EVC2: variants seen among roughly 807,000 people sequenced by gnomAD.
EVC2 encodes the protein limbin.
A neutral mutation model predicts 149.3 loss-of-function variants in EVC2; 148 were observed. The observed-to-expected ratio is 0.99, with a 90% CI of 0.87 to 1.14. The LOEUF (loss-of-function observed/expected upper bound fraction) is 1.14, where lower values mean the gene tolerates loss of function less well. Ranked by LOEUF, EVC2 falls within the 50% of genes most tolerant of loss-of-function variation. The pLI is 0.00. For synonymous variants in EVC2, 776 were observed against 649.9 expected (o/e 1.19, Z -2.95); for missense variants, 1,854 against 1,627.3 (o/e 1.14, Z -2.40).
At chr4:5,603,345 G>A (rs1268075692) in intron 16 of EVC2, among the ~76,000 whole-genome samples, 1 of 152,196 alleles carries the variant, frequency 6.6e-6, no homozygotes, top group Non-Finnish European at 1.5e-5. Flanking sequence ...GGGGAGATGT[G>A]AGGATAACTG....
chr4:5,649,246 G>A (rs1474501743), intron 9 of EVC2, among the ~76,000 whole-genome samples: 1 of 152,092 alleles, frequency 6.6e-6, no homozygotes, highest in African/African-American at 2.4e-5. Context: ...TTGTCACTGT[G>A]CTTCAAAGAT....
chr4:5,634,595 T>G (rs1165300984), intron 10 of EVC2, among the ~76,000 whole-genome samples: 1 of 152,224 alleles, frequency 6.6e-6, no homozygotes, highest in Non-Finnish European at 1.5e-5. Context: ...GAATAAAGTA[T>G]GAGGCAATGA....
At chr4:5,695,984 G>T (rs1191557833) in intron 2 of EVC2, among the ~76,000 whole-genome samples, 1 of 152,166 alleles carries the variant, frequency 6.6e-6, no homozygotes, top group African/African-American at 2.4e-5. Flanking sequence ...CTCAGGTTGG[G>T]ATGGGATAAG....
chr4:5,621,231 G>A (rs1343890654), intron 14 of EVC2, among the ~76,000 whole-genome samples: 1 of 152,180 alleles, frequency 6.6e-6, no homozygotes, highest in Admixed American at 6.5e-5. Context: ...GATTCTAGGA[G>A]ATAACTTCTA....
chr4:5,556,030 T>G (rs1328919748), intron 21 of EVC2, among the ~76,000 whole-genome samples: 2 of 151,678 alleles, frequency 1.3e-5, no homozygotes, highest in African/African-American at 2.4e-5. Flanking sequence ...ATACAAAAAA[T>G]TAGCCGGGCA....
rs761358674 is a variant in EVC2 at position 5,640,953 on chromosome 4, C to G, written c.1146-115G>C. On this transcript the variant is annotated intron_variant, in intron 9 of 21. Coordinates refer to ENST00000344408, the MANE Select transcript of EVC2 (RefSeq NM_147127.5). This position sits in a 1 kb window ranked among gnomAD's most constrained non-coding sequence, Gnocchi z 4.6. ...TGTAGGCAAGGGCTTTCTTCGTCTT[C>G]CTTTTCTTCCTTTCCCCGCTCACTT... 6.0e-6 allele frequency: 7 copies of G among 1,173,348 alleles called. No individual in the cohort carries two copies. The highest frequency in any genetic ancestry group is 2.5e-5 in the South Asian group (2 of 78,504). The allele number at this position is 1,173,348 out of a possible 1,614,324, so 72.7% of individuals were successfully genotyped here.
At chr4:5,570,182 C>T (rs972864452) in intron 19 of EVC2, among the ~76,000 whole-genome samples, 1 of 152,232 alleles carries the variant, frequency 6.6e-6, no homozygotes, top group African/African-American at 2.4e-5. Context: ...ACACACGCTT[C>T]TCTGTCCCCA....
rs752898085 is a variant in EVC2, at chr4:5,584,765, A to T, written c.2915T>A (p.Phe972Tyr). The T allele has an allele frequency of 6.2e-7, 1 of 1,614,132 alleles. No homozygotes were observed. Among genetic ancestry groups the T allele is most frequent in the Non-Finnish European group, 8.5e-7 (1 of 1,180,026 alleles). ...CTCGGTCACCCGGGACGCCTTCTGG[A>T]ACTGCAGAGCAACAAGCGACTGTGC... ...GFAQSLVALQ[F>Y]QKASRVTETL... The change falls in exon 17 of 22, where the codon TTC becomes TAC. Residue 972 changes from phenylalanine (F) to tyrosine (Y), a missense_variant. Phe to Tyr is a conservative substitution (Grantham distance 22). Coordinates refer to ENST00000344408, the MANE Select transcript of EVC2 (RefSeq NM_147127.5).
In EVC2 at chr4:5,610,086, C is replaced by T. The variant is rs141173243; in HGVS notation, c.2829+5336G>A. Among the ~76,000 whole-genome samples, 8 of 152,276 alleles carry T rather than the reference C, an allele frequency of 5.3e-5. No individual in the cohort carries two copies. In the East Asian group the frequency reaches 1.5e-3, roughly 29 times the overall value. On this transcript the variant is annotated intron_variant, in intron 16 of 21. Coordinates refer to ENST00000344408, the MANE Select transcript of EVC2 (RefSeq NM_147127.5). ...CTCAAAGCCCTTATCTCTCATAGAG[C>T]AATGACAGTGGCACTTCTGTTACAG...
At position 5,567,383 on chromosome 4, in the gene EVC2, A is replaced by T. The variant is rs1267124577; in HGVS notation, c.3557+1061T>A. On this transcript the variant is annotated intron_variant, in intron 20 of 21. Transcript: ENST00000344408. The surrounding 1 kb of genome is among the most constrained non-coding windows in gnomAD (Gnocchi z 4.4). Reference sequence around the variant, plus strand: ...TGATAAAAAGTATCTCTGATAAGGAAAACATTACCCCTTTTCTCAGGACAA... The same window carrying T: ...TGATAAAAAGTATCTCTGATAAGGATAACATTACCCCTTTTCTCAGGACAA... Among the ~76,000 whole-genome samples the T allele has an allele frequency of 6.6e-6, 1 of 152,172 alleles. No individual in the cohort carries two copies. The highest frequency in any genetic ancestry group is 1.5e-5 in the Non-Finnish European group (1 of 68,028).
intron 12 of EVC2, among the ~76,000 whole-genome samples, chr4:5,627,096 G>A (rs760630394): frequency 1.3e-5 from 2 of 152,098 alleles, no homozygotes; most frequent in Non-Finnish European, 2.9e-5. Flanking sequence ...TTTCCCTGGA[G>A]TACCCTGACG....
chr4:5,599,276 G>T (rs976752584), intron 16 of EVC2, among the ~76,000 whole-genome samples: 20 of 151,382 alleles, frequency 1.3e-4, no homozygotes, highest in African/African-American at 4.9e-4. Context: ...GCACACGTAT[G>T]TTGATTGTGG....
chr4:5,617,285 C>G (rs1715327123), intron 15 of EVC2, among the ~76,000 whole-genome samples: 1 of 152,196 alleles, frequency 6.6e-6, no homozygotes, highest in Non-Finnish European at 1.5e-5. Context: ...TTTTCCTCTG[C>G]TGGGCTGTTT....
At chr4:5,566,387 G>A (rs1722290895) in intron 20 of EVC2, among the ~76,000 whole-genome samples, 1 of 152,174 alleles carries the variant, frequency 6.6e-6, no homozygotes, top group Non-Finnish European at 1.5e-5. Context: ...GAGAAGGGCG[G>A]TCTTCTGAAG....
chr4:5,692,880 AAAAAAAAAAAG>A (rs1348516007), intron 3 of EVC2, among the ~76,000 whole-genome samples: 2 of 138,366 alleles, frequency 1.4e-5, no homozygotes, highest in Admixed American at 7.1e-5. Flanking sequence ...TCTCAAAAAA[AAAAAAAAAAAG>A]AAAAAAGAAA....
intron 19 of EVC2, among the ~76,000 whole-genome samples, chr4:5,574,102 G>C (rs1413026845): frequency 6.6e-6 from 1 of 152,244 alleles, no homozygotes; most frequent in African/African-American, 2.4e-5. Flanking sequence ...ACTGTCTGAA[G>C]TTGTATTTCC....
intron 9 of EVC2, among the ~76,000 whole-genome samples, chr4:5,658,392 G>A (rs531588159): frequency 1.3e-5 from 2 of 152,286 alleles, no homozygotes; most frequent in South Asian, 4.1e-4. Flanking sequence ...TGTTTACAAA[G>A]AATAAAAAGA....
intron 1 of EVC2, chr4:5,707,990 G>A (rs1722325406): frequency 1.1e-5 from 3 of 270,094 alleles, no homozygotes; most frequent in Non-Finnish European, 2.1e-5. Context: ...GGAAACTGGG[G>A]CACAGGAGTG....
At chr4:5,609,724 G>A (rs969292294) in intron 16 of EVC2, among the ~76,000 whole-genome samples, 2 of 152,176 alleles carry the variant, frequency 1.3e-5, no homozygotes, top group African/African-American at 4.8e-5. Context: ...GTGAAACCAT[G>A]GGAAATAACC....
Sources: gnomAD v4.1 joint callset for allele counts (sites outside exome capture counted in the v4.1 genomes callset) on GRCh38, gnomAD v4.1.1 for gene constraint, Gnocchi (gnomAD v3.1) non-coding constraint, MANE v1.5 for transcripts, NCBI Gene and HGNC (gene_info 2026-07-23, HGNC 2026-07-21) for gene names.